E2F2: variants seen among roughly 807,000 people sequenced by gnomAD.
The protein encoded by E2F2 is transcription factor E2F2.
Under a neutral mutation model 42.2 loss-of-function variants are expected in E2F2, and 22 were observed. The ratio of observed to expected loss-of-function variants is 0.52; its 90% CI spans 0.37 to 0.74. E2F2 has a LOEUF of 0.74. Ranked by LOEUF, E2F2 falls within the 30% of genes least tolerant of loss-of-function variation. The pLI is 0.00. For synonymous variants in E2F2, 248 were observed against 251.6 expected (o/e 0.99, Z 0.13); for missense variants, 481 against 557.8 (o/e 0.86, Z 1.39).
rs1642870762 is a variant in E2F2, at chr1:23,509,770, C to T, written c.*110G>A. ...GCAGGAAAGGCGAGGAGACCCCATGCCCTGAGGGCAGCACCTAGTGTCCAA... is the reference window on the plus strand; with the variant it reads ...GCAGGAAAGGCGAGGAGACCCCATGTCCTGAGGGCAGCACCTAGTGTCCAA... On this transcript the variant is annotated 3_prime_UTR_variant, in exon 7 of 7. Coordinates refer to ENST00000361729, the MANE Select transcript of E2F2 (RefSeq NM_004091.4). The T allele has an allele frequency of 1.4e-6, 2 of 1,428,930 alleles. No individual in the cohort carries two copies. The highest frequency in any genetic ancestry group is 2.6e-5 in the East Asian group (1 of 37,852). 88.5% of individuals were successfully genotyped at this position (1,428,930 alleles called of 1,614,324 possible). A position where few individuals can be genotyped will look rare whatever the true frequency, so the allele number is the denominator to read the frequency against.
At position 23,507,933 on chromosome 1, in the gene E2F2, G is replaced by A. The variant is rs1324034806; in HGVS notation, c.*1947C>T. ...GGAGTCAAACACCTCTGACTTCAGA[G>A]ATGGCACATGGCTAAATGGCAGCCC... On this transcript the variant is annotated 3_prime_UTR_variant, in exon 7 of 7. Transcript: ENST00000361729. 6.6e-6 allele frequency: 1 copy of A among 152,274 alleles called. No homozygotes were observed. Among genetic ancestry groups the A allele is most frequent in the Non-Finnish European group, 1.5e-5 (1 of 68,082 alleles). 9.4% of individuals were successfully genotyped at this position (152,274 alleles called of 1,614,324 possible).
At chr1:23,516,662 C>G in intron 5 of E2F2, 135 bp from the exon 6 acceptor site, 1 of 640,960 alleles carries the variant, frequency 1.6e-6, no homozygotes, top group Non-Finnish European at 2.5e-6. Context: ...GAGACCAACT[C>G]CATCTGGCCT....
In E2F2 at chr1:23,516,354, C is replaced by T. The variant is rs1418527136; in HGVS notation, c.1026G>A (p.Met342Ile). Residue 342 changes from methionine to isoleucine, a missense_variant, in exon 6 of 7, where the codon ATG becomes ATA. Coordinates refer to ENST00000361729, the MANE Select transcript of E2F2 (RefSeq NM_004091.4). ...QPSSSTDPSI[M>I]EPTASSVPAP... ...ACCTACCTGAGGATGCTGTGGGCTC[C>T]ATGATGCTAGGGTCGGTGCTGCTGC... 9 of 1,552,194 alleles carry T rather than the reference C, an allele frequency of 5.8e-6. No individual in the cohort carries two copies. The highest frequency in any genetic ancestry group is 1.4e-5 in the African/African-American group (1 of 71,252).
chr1:23,521,180 T>C, intron 3 of E2F2, 109 bp from the exon 4 acceptor site: 1 of 1,247,850 alleles, frequency 8.0e-7, no homozygotes, highest in Non-Finnish European at 1.1e-6. Flanking sequence ...AAATCAGTGG[T>C]CATGCCTGTC....
chr1:23,514,273 G>C (rs1208107010), intron 6 of E2F2, among the ~76,000 whole-genome samples: 1 of 152,232 alleles, frequency 6.6e-6, no homozygotes, highest in Non-Finnish European at 1.5e-5. Flanking sequence ...ACAGCAGGAG[G>C]AGGATGGACC....
At chr1:23,510,349 CGGGTCT>C (rs1328824425) in intron 6 of E2F2, among the ~76,000 whole-genome samples, 2 of 151,886 alleles carry the variant, frequency 1.3e-5, no homozygotes, top group Non-Finnish European at 2.9e-5. Flanking sequence ...TTTTTGAGAC[CGGGTCT>C]CACTCTATCA....
In E2F2 at chr1:23,514,123, T is replaced by TA. The variant is rs35229050; in HGVS notation, c.1045+2211dup. On this transcript the variant is annotated intron_variant, in intron 6 of 6. Transcript: ENST00000361729. ...TGGGTGATAGAGTGAGACTCTGTCT[T>TA]AAAAAAAAAAAAACAACTTCACACC... Among the ~76,000 whole-genome samples the TA allele has an allele frequency of 1.1e-3, 165 of 146,348 alleles. 1 individual carries two copies. The highest frequency in any genetic ancestry group is 1.7e-3 in the Non-Finnish European group (115 of 66,466).
At chr1:23,527,542 T>G (rs892081416) in intron 1 of E2F2, among the ~76,000 whole-genome samples, 12 of 152,182 alleles carry the variant, frequency 7.9e-5, no homozygotes, top group African/African-American at 2.9e-4. Flanking sequence ...CACAACCCCC[T>G]TACGGGCACC....
In E2F2 at chr1:23,516,438, G is replaced by C. The variant is rs780774375; in HGVS notation, c.942C>G (p.Ser314=). Residue 314 remains serine (S), a synonymous_variant, in exon 6 of 7, where the codon TCC becomes TCG. Transcript: ENST00000361729. ...PEEVQEPDSP[S]EEPLPSTSTL... ...TGGAGGTAGAGGGGAGAGGCTCCTCGGAAGGACTGTCCGGCTCCTGCACCT... is the reference window on the plus strand; with the variant it reads ...TGGAGGTAGAGGGGAGAGGCTCCTCCGAAGGACTGTCCGGCTCCTGCACCT... 1.2e-6 allele frequency: 2 copies of C among 1,606,064 alleles called. No individual in the cohort carries two copies. Among genetic ancestry groups the C allele is most frequent in the Non-Finnish European group, 1.7e-6 (2 of 1,176,516 alleles).
chr1:23,512,694 C>T (rs1283074775), intron 6 of E2F2, among the ~76,000 whole-genome samples: 1 of 152,154 alleles, frequency 6.6e-6, no homozygotes, highest in Non-Finnish European at 1.5e-5. Flanking sequence ...CTGTTGATCA[C>T]GTCCAGAAAT....
chr1:23,508,872 T>C lies in E2F2; in HGVS notation c.*1008A>G, dbSNP rs1642852481. On this transcript the variant is annotated 3_prime_UTR_variant, in exon 7 of 7. Transcript: ENST00000361729. ...GGGGATGCTTTTGGCAGTTTTTTGT[T>C]TTAATCTGACCCTTCTTTACAGTGG... The C allele has an allele frequency of 6.6e-6, 1 of 152,142 alleles. No individual in the cohort carries two copies. The highest frequency in any genetic ancestry group is 2.1e-4 in the South Asian group (1 of 4,818). The allele number at this position is 152,142 out of a possible 1,614,324, so 9.4% of individuals were successfully genotyped here.
chr1:23,521,956 C>G lies in E2F2; in HGVS notation c.459G>C (p.Leu153=), dbSNP rs1274536626. The change falls in exon 3 of 7, where the codon CTG becomes CTC. Residue 153 remains leucine, a synonymous_variant. Coordinates refer to ENST00000361729, the MANE Select transcript of E2F2 (RefSeq NM_004091.4). Reference sequence around the variant, plus strand: ...GCACCTCAGCGGCCCAGTTCAGGTCCAGGACCCCATCCTCTGACTCGCTCA... The same window carrying G: ...GCACCTCAGCGGCCCAGTTCAGGTCGAGGACCCCATCCTCTGACTCGCTCA... ...YLLSESEDGV[L]DLNWAAEVLD... The G allele has an allele frequency of 6.2e-7, 1 of 1,614,232 alleles. No homozygotes were observed. Among genetic ancestry groups the G allele is most frequent in the East Asian group, 2.2e-5 (1 of 44,892 alleles).
chr1:23,525,188 AC>A (rs35872069), intron 1 of E2F2, among the ~76,000 whole-genome samples: 58,147 of 146,408 alleles, frequency 0.4, 13,460 homozygotes, highest in East Asian at 0.61. Context: ...AGCTGAGGCC[AC>A]CCCCCCCCTC....
At chr1:23,512,570 G>C (rs1288821809) in intron 6 of E2F2, among the ~76,000 whole-genome samples, 1 of 152,170 alleles carries the variant, frequency 6.6e-6, no homozygotes, top group Non-Finnish European at 1.5e-5. Flanking sequence ...CACCAGCCAT[G>C]GAACCCCAGA....
intron 6 of E2F2, among the ~76,000 whole-genome samples, chr1:23,511,194 G>A (rs1642901658): frequency 6.6e-6 from 1 of 151,726 alleles, no homozygotes; most frequent in African/African-American, 2.4e-5. Flanking sequence ...TGACCTTTCA[G>A]TAGCCATTCT....
At chr1:23,524,603 T>G in intron 1 of E2F2, 115 bp from the exon 2 acceptor site, 1 of 800,644 alleles carries the variant, frequency 1.2e-6, no homozygotes, top group Non-Finnish European at 2.0e-6. Flanking sequence ...GTGCCTCAGT[T>G]TACCGCCAGT....
intron 4 of E2F2, among the ~76,000 whole-genome samples, chr1:23,520,676 G>A (rs1257704408): frequency 6.6e-6 from 1 of 152,178 alleles, no homozygotes; most frequent in Non-Finnish European, 1.5e-5. Context: ...CCAGGAGGGC[G>A]AGGCTATAGC....
chr1:23,511,563 G>A (rs2811971), intron 6 of E2F2, among the ~76,000 whole-genome samples: 2,365 of 152,184 alleles, frequency 0.016, 60 homozygotes, highest in African/African-American at 0.052. Context: ...ATGTTAAGAC[G>A]GTGATTTCCC....
chr1:23,510,981 C>G (rs750761895), intron 6 of E2F2, among the ~76,000 whole-genome samples: 1 of 152,058 alleles, frequency 6.6e-6, no homozygotes, highest in Non-Finnish European at 1.5e-5. Flanking sequence ...TACCTGACCT[C>G]ATCACCCTCT....
Sources: allele counts gnomAD v4.1 joint callset (sites outside exome capture counted in the v4.1 genomes callset), GRCh38; gene constraint gnomAD v4.1.1; transcripts MANE v1.5; gene names NCBI Gene and HGNC (gene_info 2026-07-23, HGNC 2026-07-21).